Variants in EMP2 observed in about 807,000 individuals in gnomAD.
EMP2 encodes the protein epithelial membrane protein 2.
Under a neutral mutation model 13.7 loss-of-function variants are expected in EMP2, and 19 were observed. The observed-to-expected ratio is 1.38, with a 90% CI of 0.97 to 2.03. The LOEUF (loss-of-function observed/expected upper bound fraction) is 2.03, where lower values mean the gene tolerates loss of function less well. EMP2 is among the 30% of genes most tolerant of loss of function. The pLI is 0.00. For synonymous variants in EMP2, 97 were observed against 84.7 expected (o/e 1.15, Z -0.80); for missense variants, 253 against 220.7 (o/e 1.15, Z -0.93).
chr16:10,564,179 T>C (rs1442205173), intron 1 of EMP2, among the ~76,000 whole-genome samples: 1 of 152,092 alleles, frequency 6.6e-6, no homozygotes, highest in Non-Finnish European at 1.5e-5. Context: ...GTCACTTCTG[T>C]GTGGACATGT....
chr16:10,555,558 C>A (rs1372224890), intron 1 of EMP2, among the ~76,000 whole-genome samples: 1 of 151,920 alleles, frequency 6.6e-6, no homozygotes, highest in Non-Finnish European at 1.5e-5. Flanking sequence ...TTCTGTCATA[C>A]CCCTGTCCTA....
rs201720864 is a variant in EMP2 at position 10,538,042 on chromosome 16, T to C, written c.202A>G (p.Met68Val). ...YSTLQAVQAT[M>V]ILSTILCCIA... ...CAGCAGAGAATGGTGGAGAGGATCA[T>C]GGTGGCCTGGACCGCCTGCAGCGTG... Residue 68 changes from methionine to valine, a missense_variant, in exon 4 of 5, where the codon ATG becomes GTG. By Grantham distance (21) the Met-to-Val change is conservative. Coordinates refer to ENST00000359543, the MANE Select transcript of EMP2 (RefSeq NM_001424.6). The C allele has an allele frequency of 3.5e-5, 57 of 1,613,888 alleles. No individual in the cohort carries two copies. The highest frequency in any genetic ancestry group is 5.3e-5 in the African/African-American group (4 of 74,902).
chr16:10,539,550 G>A (rs997046276), intron 3 of EMP2, among the ~76,000 whole-genome samples: 3 of 152,120 alleles, frequency 2.0e-5, no homozygotes, highest in Non-Finnish European at 2.9e-5. Context: ...GGCAGAAAGC[G>A]GTAGCAACTG....
intron 1 of EMP2, among the ~76,000 whole-genome samples, chr16:10,554,982 G>C (rs1319506792): frequency 1.3e-5 from 2 of 152,142 alleles, no homozygotes; most frequent in African/African-American, 2.4e-5. Flanking sequence ...TATTCGTTCA[G>C]TTGTTTATTG....
intron 2 of EMP2, 96 bp from the exon 3 acceptor site, chr16:10,543,756 T>A (rs1291364722): frequency 7.0e-6 from 8 of 1,144,804 alleles, no homozygotes; most frequent in Non-Finnish European, 7.9e-6. Context: ...CTTCCAGGAT[T>A]CTCAAACTGC....
chr16:10,565,787 C>A (rs1332518444), intron 1 of EMP2, among the ~76,000 whole-genome samples: 1 of 152,162 alleles, frequency 6.6e-6, no homozygotes, highest in Non-Finnish European at 1.5e-5. Context: ...CATTCCGATG[C>A]ACTTGGAATC....
At chr16:10,574,426 C>T (rs2050968510) in intron 1 of EMP2, among the ~76,000 whole-genome samples, 1 of 150,818 alleles carries the variant, frequency 6.6e-6, no homozygotes, top group African/African-American at 2.5e-5. Context: ...GCCCACTTCA[C>T]ACTGTGGCCC....
intron 3 of EMP2, among the ~76,000 whole-genome samples, chr16:10,539,534 C>A (rs542785184): frequency 6.6e-6 from 1 of 152,194 alleles, no homozygotes; most frequent in South Asian, 2.1e-4. Context: ...AAGTGGTTGC[C>A]CTCGGGGCAG....
intron 3 of EMP2, among the ~76,000 whole-genome samples, chr16:10,542,276 T>TACTCTCA (rs2050705977): frequency 6.6e-6 from 1 of 152,078 alleles, no homozygotes; most frequent in Non-Finnish European, 1.5e-5. Context: ...TGAGTGCCTG[T>TACTCTCA]AGTCCCAGCT....
Position 10,580,055 on chromosome 16 carries a change from C to G in EMP2, c.-61+494G>C, listed in dbSNP as rs1244821553. Among the ~76,000 whole-genome samples the G allele has an allele frequency of 6.6e-6, 1 of 152,170 alleles. No individual in the cohort carries two copies. The highest frequency in any genetic ancestry group is 1.5e-5 in the Non-Finnish European group (1 of 68,022). ...CCGGCTCCTCCACCGTTCCTGACCC[C>G]CAAGAAGTCGCTCCTCGCCGCTCGG... is the stretch of plus-strand genomic sequence containing the variant. On this transcript the variant is annotated intron_variant, in intron 1 of 4. Coordinates refer to ENST00000359543, the MANE Select transcript of EMP2 (RefSeq NM_001424.6). The surrounding 1 kb of genome is among the most constrained non-coding windows in gnomAD (Gnocchi z 4.3).
chr16:10,577,942 T>G (rs2050995107), intron 1 of EMP2: 1 of 129,608 alleles, frequency 7.7e-6, no homozygotes, highest in Non-Finnish European at 1.6e-5. Flanking sequence ...CCACATGTTG[T>G]CCCCCCCACC....
intron 1 of EMP2, among the ~76,000 whole-genome samples, chr16:10,550,292 C>A (rs1167974137): frequency 6.6e-6 from 1 of 152,142 alleles, no homozygotes; most frequent in African/African-American, 2.4e-5. Context: ...CCCCAATTAA[C>A]CCAATAATGT....
chr16:10,547,918 C>T (rs1012093573), intron 1 of EMP2, among the ~76,000 whole-genome samples: 5 of 152,064 alleles, frequency 3.3e-5, no homozygotes, highest in African/African-American at 7.2e-5. Flanking sequence ...CCTGCAGTCC[C>T]AGCTACTTAG....
chr16:10,569,775 G>A (rs1169672255), intron 1 of EMP2, among the ~76,000 whole-genome samples: 1 of 152,206 alleles, frequency 6.6e-6, no homozygotes, highest in Non-Finnish European at 1.5e-5. Context: ...CTGCGTGCAT[G>A]CAGACCCCAC....
At chr16:10,547,475 T>C (rs369996231) in intron 2 of EMP2, 65 bp downstream of exon 2, 1 of 1,558,556 alleles carries the variant, frequency 6.4e-7, no homozygotes, top group South Asian at 1.1e-5. Context: ...AACAGACCAA[T>C]ACAACCCACT....
chr16:10,547,739 A>G, intron 1 of EMP2, 62 bp from the exon 2 acceptor site: 1 of 974,460 alleles, frequency 1.0e-6, no homozygotes. Flanking sequence ...TTACAATAAA[A>G]AATAAACACC....
intron 1 of EMP2, among the ~76,000 whole-genome samples, chr16:10,563,704 G>C (rs1307095007): frequency 3.3e-5 from 5 of 152,202 alleles, no homozygotes; most frequent in Non-Finnish European, 7.3e-5. Flanking sequence ...AGTGAAATGA[G>C]GTAAGAGCAC....
chr16:10,536,232 A>G (rs1016826542), intron 4 of EMP2, among the ~76,000 whole-genome samples: 1 of 151,982 alleles, frequency 6.6e-6, no homozygotes, highest in East Asian at 1.9e-4. Context: ...CAGTGTTTTT[A>G]TTTTATATTG....
chr16:10,542,932 G>A (rs1285109552), intron 3 of EMP2, among the ~76,000 whole-genome samples: 2 of 152,138 alleles, frequency 1.3e-5, no homozygotes, highest in African/African-American at 2.4e-5. Flanking sequence ...CGCAACCTCC[G>A]CCTCCTGGAT....
Sources: gnomAD v4.1 joint callset for allele counts (sites outside exome capture counted in the v4.1 genomes callset) on GRCh38, gnomAD v4.1.1 for gene constraint, Gnocchi (gnomAD v3.1) non-coding constraint, MANE v1.5 for transcripts, NCBI Gene and HGNC (gene_info 2026-07-23, HGNC 2026-07-21) for gene names.